MDGA2: variants seen among roughly 807,000 people sequenced by gnomAD.
The protein encoded by MDGA2 is MAM domain-containing glycosylphosphatidylinositol anchor protein 2.
In MDGA2, 40 loss-of-function variants were observed where a neutral mutation model predicts 117.8. The ratio of observed to expected loss-of-function variants is 0.34; its 90% CI spans 0.26 to 0.44. MDGA2 has a LOEUF of 0.44. Ranked by LOEUF, MDGA2 falls within the 20% of genes least tolerant of loss-of-function variation. The pLI is 1.00. For missense variants in MDGA2, 1,123 were observed against 1,250.6 expected (o/e 0.90, Z 1.54); for synonymous variants, 452 against 439.0 (o/e 1.03, Z -0.37).
intron 2 of MDGA2, among the ~76,000 whole-genome samples, chr14:47,298,826 A>C (rs1168774382): frequency 6.6e-6 from 1 of 151,542 alleles, no homozygotes; most frequent in African/African-American, 2.4e-5. Context: ...CTGGGACTAC[A>C]GGCACCCGCG....
At chr14:47,129,116 TTAAG>T (rs1232128406) in intron 5 of MDGA2, among the ~76,000 whole-genome samples, 2 of 152,128 alleles carry the variant, frequency 1.3e-5, no homozygotes, top group East Asian at 3.9e-4. Context: ...TTATTATACT[TTAAG>T]TTTTAGGGTA....
intron 9 of MDGA2, among the ~76,000 whole-genome samples, chr14:46,940,288 C>A (rs1389491582): frequency 1.3e-5 from 2 of 152,136 alleles, no homozygotes; most frequent in Admixed American, 6.5e-5. Flanking sequence ...CTATAAGCTG[C>A]ATATAAATGT....
At chr14:47,535,113 G>A (rs1156800928) in intron 1 of MDGA2, among the ~76,000 whole-genome samples, 1 of 151,836 alleles carries the variant, frequency 6.6e-6, no homozygotes, top group African/African-American at 2.4e-5. Flanking sequence ...CCAGGTGTTG[G>A]GTATTCAGTC....
At chr14:47,021,685 C>T (rs1171388615) in intron 8 of MDGA2, among the ~76,000 whole-genome samples, 1 of 152,072 alleles carries the variant, frequency 6.6e-6, no homozygotes, top group African/African-American at 2.4e-5. Flanking sequence ...GTTACATATG[C>T]ATTATTATAT....
chr14:47,048,975 A>T (rs1889359285), intron 7 of MDGA2, among the ~76,000 whole-genome samples: 1 of 152,110 alleles, frequency 6.6e-6, no homozygotes, highest in African/African-American at 2.4e-5. Flanking sequence ...GGAATGATAG[A>T]TAACTCATTC....
chr14:47,331,420 CAAAT>C (rs1471906516), intron 1 of MDGA2, among the ~76,000 whole-genome samples: 1 of 125,480 alleles, frequency 8.0e-6, no homozygotes, highest in East Asian at 1.9e-4. Flanking sequence ...GGAAGGTACT[CAAAT>C]AAAATTTATA....
In MDGA2 at chr14:46,877,505, A is replaced by G; in HGVS notation, c.2421T>C (p.Pro807=). The G allele has an allele frequency of 6.6e-7, 1 of 1,512,886 alleles. No homozygotes were observed. Among genetic ancestry groups the G allele is most frequent in the Non-Finnish European group, 9.0e-7 (1 of 1,105,052 alleles). 93.7% of individuals were successfully genotyped at this position (1,512,886 alleles called of 1,614,324 possible). Residue 807 remains proline (P), a synonymous_variant, in exon 12 of 17, where the codon CCT becomes CCC. Transcript: ENST00000399232. ...TATACTTACTCAAATGAGGATTTAC[A>G]GGAGCTACAAGAAAAGCAAAAGAAA... ...STIRVIKYSA[P]VNPHLREFHC...
intron 1 of MDGA2, among the ~76,000 whole-genome samples, chr14:47,467,589 C>T (rs1377202817): frequency 3.3e-5 from 5 of 152,044 alleles, no homozygotes; most frequent in Non-Finnish European, 7.4e-5. Context: ...GTAGTGGGTA[C>T]ATTGAAAGTC....
chr14:47,665,631 G>C (rs929782715), intron 1 of MDGA2, among the ~76,000 whole-genome samples: 4 of 152,180 alleles, frequency 2.6e-5, no homozygotes, highest in Non-Finnish European at 4.4e-5. Flanking sequence ...GGAGCGGCCT[G>C]CTGGCCCTGC....
chr14:47,208,629 G>A (rs942082671), intron 3 of MDGA2, among the ~76,000 whole-genome samples: 4 of 150,268 alleles, frequency 2.7e-5, no homozygotes, highest in African/African-American at 4.9e-5. Flanking sequence ...TCCATGAACC[G>A]CCTGGAAATC....
At chr14:47,670,688 T>C (rs527473376) in intron 1 of MDGA2, among the ~76,000 whole-genome samples, 2 of 152,280 alleles carry the variant, frequency 1.3e-5, no homozygotes, top group East Asian at 1.9e-4. Flanking sequence ...TCTAATGAAA[T>C]GTGAGTGCAA....
intron 1 of MDGA2, among the ~76,000 whole-genome samples, chr14:47,540,540 G>GTGTGTGTGTGTGTATATA: frequency 2.4e-4 from 19 of 79,218 alleles, no homozygotes; most frequent in East Asian, 9.8e-4. Context: ...GTGTGTGTGT[G>GTGTGTGTGTGTGTATATA]TATATATATA....
At position 47,071,615 on chromosome 14, in the gene MDGA2, G is replaced by A. The variant is rs540991207; in HGVS notation, c.1196-10037C>T. On this transcript the variant is annotated intron_variant, in intron 6 of 16. Coordinates refer to ENST00000399232, the MANE Select transcript of MDGA2 (RefSeq NM_001113498.3). ...AAGCAAATAAGTCAAAATGCTGGTG[G>A]TATAGACATACTTTTCCATCCTGTA... Among the ~76,000 whole-genome samples the A allele has an allele frequency of 3.3e-5, 5 of 151,912 alleles. No homozygotes were observed. The South Asian group carries it at 1.0e-3, about 32-fold the overall frequency.
intron 9 of MDGA2, among the ~76,000 whole-genome samples, chr14:46,924,432 T>C (rs1884249376): frequency 6.6e-6 from 1 of 152,068 alleles, no homozygotes; most frequent in South Asian, 2.1e-4. Context: ...ATAAGGTATA[T>C]AATACTGATC....
At chr14:47,656,844 G>A (rs773105491) in intron 1 of MDGA2, among the ~76,000 whole-genome samples, 11 of 152,186 alleles carry the variant, frequency 7.2e-5, no homozygotes, top group Non-Finnish European at 1.3e-4. Context: ...GAGGTGTAAA[G>A]AGGTGGGATT....
chr14:47,675,006 C>CG lies in MDGA2; in HGVS notation c.-211dup. The CG allele has an allele frequency of 3.4e-6, 1 of 297,152 alleles. No individual in the cohort carries two copies. Among genetic ancestry groups the CG allele is most frequent in the Non-Finnish European group, 6.1e-6 (1 of 162,978 alleles). The allele number at this position is 297,152 out of a possible 1,614,324, so 18.4% of individuals were successfully genotyped here. A position where few individuals can be genotyped will look rare whatever the true frequency, so the allele number is the denominator to read the frequency against. ...TCCGCAGCTGCGGCGGCGGCGGCGG[C>CG]GCGCTGGGCCGGCGGCGGGCGCGGG... is the stretch of plus-strand genomic sequence containing the variant. On this transcript the variant is annotated 5_prime_UTR_variant, in exon 1 of 17. Coordinates refer to ENST00000399232, the MANE Select transcript of MDGA2 (RefSeq NM_001113498.3).
Position 46,976,593 on chromosome 14 carries a change from A to G in MDGA2, c.1820-18950T>C, listed in dbSNP as rs548462238. On this transcript the variant is annotated intron_variant, in intron 8 of 16. Coordinates refer to ENST00000399232, the MANE Select transcript of MDGA2 (RefSeq NM_001113498.3). ...AATCTATGAATAATTCTTTGAAAAT[A>G]TAAAAAGGTTGATCCCAAAATGAAG... 4.6e-5 allele frequency among the ~76,000 whole-genome samples: 7 copies of G among 152,028 alleles called. 1 individual carries two copies. The South Asian group carries it at 1.5e-3, about 32-fold the overall frequency.
intron 15 of MDGA2, among the ~76,000 whole-genome samples, chr14:46,854,592 A>G (rs1881189234): frequency 6.6e-6 from 1 of 151,800 alleles, no homozygotes; most frequent in African/African-American, 2.4e-5. Context: ...CTGATCAATT[A>G]CTGATATGGC....
chr14:47,137,471 C>T (rs1882513025), intron 4 of MDGA2, among the ~76,000 whole-genome samples: 1 of 151,974 alleles, frequency 6.6e-6, no homozygotes, highest in African/African-American at 2.4e-5. Context: ...TGTTAATTTC[C>T]TTGAGAGCTG....
Sources: allele counts gnomAD v4.1 joint callset (sites outside exome capture counted in the v4.1 genomes callset), GRCh38; gene constraint gnomAD v4.1.1; transcripts MANE v1.5; gene names NCBI Gene and HGNC (gene_info 2026-07-23, HGNC 2026-07-21).